Variants in NBPF9 observed in about 807,000 individuals in gnomAD.
NBPF9 encodes the protein NBPF family member NBPF9.
In NBPF9, 91 loss-of-function variants were observed where a neutral mutation model predicts 97.8. The observed-to-expected ratio is 0.93, with a 90% CI of 0.79 to 1.11. NBPF9 has a LOEUF of 1.11. Among genes scored for constraint, NBPF9 ranks in the 50% least tolerant of loss-of-function variants. The pLI, the probability that NBPF9 is intolerant of heterozygous loss-of-function variation, is 0.00. For missense variants in NBPF9, 992 were observed against 939.5 expected (o/e 1.06, Z -0.73); for synonymous variants, 334 against 359.5 (o/e 0.93, Z 0.80).
chr1:149,089,321 C>T (rs2081254739), intron 5 of NBPF9, among the ~76,000 whole-genome samples: 1 of 151,678 alleles, frequency 6.6e-6, no homozygotes, highest in Non-Finnish European at 1.5e-5. Flanking sequence ...GCTATGGGAC[C>T]CACTGAGAAT....
At chr1:149,057,704 GACACACACACACACACAC>G (rs879952249) in intron 27 of NBPF9, among the ~76,000 whole-genome samples, 197 bp from the exon 28 acceptor site, 9 of 27,842 alleles carry the variant, frequency 3.2e-4, no homozygotes, top group Admixed American at 4.8e-4. Flanking sequence ...AAGACAGATA[GACACACACACACACACAC>G]ACACACACAC....
downstream of NBPF9, among the ~76,000 whole-genome samples, chr1:149,053,631 T>C (rs1475922970): frequency 1.3e-4 from 19 of 146,288 alleles, no homozygotes; most frequent in African/African-American, 4.3e-4. Flanking sequence ...AAGATGATAA[T>C]CACAGAATGT....
At chr1:149,089,417 A>G (rs1393003038) in intron 5 of NBPF9, among the ~76,000 whole-genome samples, 3 of 152,210 alleles carry the variant, frequency 2.0e-5, no homozygotes, top group Non-Finnish European at 4.4e-5. Flanking sequence ...AGGGAGAGGG[A>G]AGAAATACGG....
intron 12 of NBPF9, among the ~76,000 whole-genome samples, chr1:149,074,405 A>G (rs61809872): frequency 6.6e-6 from 1 of 151,648 alleles, no homozygotes; most frequent in Non-Finnish European, 1.5e-5. Context: ...ACATAAGACC[A>G]TAAGGCCATG....
At chr1:149,099,977 G>A (rs1262603788) in intron 3 of NBPF9, among the ~76,000 whole-genome samples, 2 of 145,402 alleles carry the variant, frequency 1.4e-5, no homozygotes, top group African/African-American at 2.5e-5. Flanking sequence ...GCGAGACACT[G>A]TCTCAAGAAA....
At chr1:149,085,523 T>G (rs1575863678) in intron 5 of NBPF9, among the ~76,000 whole-genome samples, 1 of 152,154 alleles carries the variant, frequency 6.6e-6, no homozygotes, top group Non-Finnish European at 1.5e-5. Context: ...ATAAGCAGAA[T>G]TGTGTTGATG....
chr1:149,081,222 G>A (rs2080407260), intron 7 of NBPF9, among the ~76,000 whole-genome samples: 1 of 150,530 alleles, frequency 6.6e-6, no homozygotes, highest in Admixed American at 6.6e-5. Flanking sequence ...TGGGTTCAAA[G>A]GATTCTTCTG....
chr1:149,082,791 T>TG (rs1553657246), intron 5 of NBPF9, among the ~76,000 whole-genome samples: 1 of 149,196 alleles, frequency 6.7e-6, no homozygotes, highest in African/African-American at 2.5e-5. Flanking sequence ...ACTTTTTTTT[T>TG]TTTTTTGAGA....
rs1293433031 is a variant in NBPF9, at chr1:149,081,085, G to C, written c.175+880C>G. 1.2e-3 allele frequency among the ~76,000 whole-genome samples: 175 copies of C among 151,906 alleles called. 1 individual carries two copies. Among genetic ancestry groups the C allele is most frequent in the African/African-American group, 3.9e-3 (163 of 41,416 alleles). On this transcript the variant is annotated intron_variant, in intron 7 of 29. Coordinates refer to ENST00000584027, the Ensembl canonical transcript of NBPF9. The stretch of plus-strand genomic sequence containing the variant: ...GAAGCAGGACTTCACTCTCACCAAG[G>C]TACTCTCTTTTATTTTTATTTTTGA...
chr1:149,087,118 G>A (rs2081066151), intron 5 of NBPF9, among the ~76,000 whole-genome samples: 2 of 151,800 alleles, frequency 1.3e-5, no homozygotes, highest in East Asian at 1.9e-4. Flanking sequence ...TCTCCCTGAT[G>A]ACTAAACAGT....
In NBPF9 at chr1:149,064,269, C is replaced by T. The variant is rs587735615; in HGVS notation, c.1853+162G>A. Among the ~76,000 whole-genome samples, 50 of 135,946 alleles carry T rather than the reference C, an allele frequency of 3.7e-4. 1 individual carries two copies. Among genetic ancestry groups the T allele is most frequent in the African/African-American group, 1.4e-3 (46 of 32,878 alleles). 89.2% of individuals were successfully genotyped at this position (135,946 alleles called of 152,430 possible). ...GATAAGGGTAGGAAGAAATGGAAAC[C>T]TAAACATTTACTCTAATGAGAACCA... is the stretch of plus-strand genomic sequence containing the variant. On this transcript the variant is annotated intron_variant, in intron 19 of 29. Coordinates refer to ENST00000584027, the Ensembl canonical transcript of NBPF9.
At position 149,063,577 on chromosome 1, in the gene NBPF9, T is replaced by C. The variant is rs587720285; in HGVS notation, c.2026+56A>G. ...GTAACGGCCACTTGCAGTAGGAATATGACCCTAACCAGAAGACTCAGTGGA... is the reference window on the plus strand; with the variant it reads ...GTAACGGCCACTTGCAGTAGGAATACGACCCTAACCAGAAGACTCAGTGGA... On this transcript the variant is annotated intron_variant, in intron 20 of 29. Transcript: ENST00000584027. 8.1e-6 allele frequency: 5 copies of C among 615,470 alleles called. No homozygotes were observed. The Admixed American group carries it at 1.5e-4, about 18-fold the overall frequency. The allele number at this position is 615,470 out of a possible 1,614,324, so 38.1% of individuals were successfully genotyped here. A position where few individuals can be genotyped will look rare whatever the true frequency, so the allele number is the denominator to read the frequency against.
At chr1:149,084,736 G>A (rs1365116354) in intron 5 of NBPF9, among the ~76,000 whole-genome samples, 3 of 151,316 alleles carry the variant, frequency 2.0e-5, no homozygotes, top group African/African-American at 7.3e-5. Context: ...GCCAGCTGAG[G>A]TTGGTGTCCT....
chr1:149,079,657 C>T (rs2080234347), intron 8 of NBPF9, among the ~76,000 whole-genome samples: 7 of 150,246 alleles, frequency 4.7e-5, no homozygotes, highest in Admixed American at 4.7e-4. Context: ...ATGACAGGGT[C>T]GAGAAGGCAA....
rs587658261 is a variant in NBPF9 at position 149,062,188 on chromosome 1, G to A, written c.2156C>T (p.Ser719Leu). Residue 719 changes from serine (S) to leucine (L), a missense_variant, in exon 22 of 30, where the codon TCA (serine) becomes TTA (leucine). This residue lies in a region of NBPF9 where 397 missense variants were observed against 213.6 expected (regional missense o/e 1.86). Transcript: ENST00000584027. The stretch of plus-strand genomic sequence containing the variant: ...TAAGTCAGGCAGTTCAAGATAACCT[G>A]AAGGAGTCGAATACCATCTACCCAG... The A allele has an allele frequency of 6.3e-6, 6 of 959,522 alleles. 1 individual carries two copies. The South Asian group carries it at 7.7e-5, about 12-fold the overall frequency. 59.4% of individuals were successfully genotyped at this position (959,522 alleles called of 1,614,324 possible). A position where few individuals can be genotyped will look rare whatever the true frequency, so the allele number is the denominator to read the frequency against.
rs1361244498 is a variant in NBPF9 at position 149,061,094 on chromosome 1, G to T, written c.2303+238C>A. Reference sequence around the variant, plus strand: ...AATGTGCTCAAATTTCCATGCAGTCGCCATGAGAATAGAGTTTTTGAAGTC... The same window carrying T: ...AATGTGCTCAAATTTCCATGCAGTCTCCATGAGAATAGAGTTTTTGAAGTC... On this transcript the variant is annotated intron_variant, in intron 23 of 29. Transcript: ENST00000584027. 4.8e-5 allele frequency: 20 copies of T among 414,214 alleles called. 3 individuals carry two copies. The highest frequency in any genetic ancestry group is 4.6e-4 in the East Asian group (15 of 32,804). The allele number at this position is 414,214 out of a possible 1,614,324, so 25.7% of individuals were successfully genotyped here.
chr1:149,079,306 T>C (rs1553655761), intron 8 of NBPF9, 85 bp from the exon 9 acceptor site: 1 of 1,339,376 alleles, frequency 7.5e-7, no homozygotes, highest in Non-Finnish European at 1.1e-6. Context: ...TCTGAGATAA[T>C]GTCCTCAAGG....
intron 5 of NBPF9, among the ~76,000 whole-genome samples, chr1:149,085,046 T>C (rs2080876317): frequency 6.6e-6 from 1 of 151,798 alleles, no homozygotes; most frequent in Non-Finnish European, 1.5e-5. Flanking sequence ...ACTCCACCGC[T>C]CCCCACAGCT....
At chr1:149,076,124 G>A (rs1238189396) in intron 11 of NBPF9, among the ~76,000 whole-genome samples, 1 of 152,026 alleles carries the variant, frequency 6.6e-6, no homozygotes, top group Non-Finnish European at 1.5e-5. Context: ...TTGGCCCTGA[G>A]ATTTTTACCC....
Sources: allele counts gnomAD v4.1 joint callset (sites outside exome capture counted in the v4.1 genomes callset), GRCh38; gene constraint gnomAD v4.1.1; regional missense constraint gnomAD v4.1.1; transcripts MANE v1.5; gene names NCBI Gene and HGNC (gene_info 2026-07-23, HGNC 2026-07-21).